VEGFB: variants seen among roughly 807,000 people sequenced by gnomAD.
The protein encoded by VEGFB is vascular endothelial growth factor B.
Under a neutral mutation model 22.5 loss-of-function variants are expected in VEGFB, and 24 were observed. That is an observed-to-expected ratio of 1.07 (90% CI 0.77 to 1.50). The LOEUF is 1.50. Ranked by LOEUF, VEGFB falls within the 40% of genes most tolerant of loss-of-function variation. The pLI is 0.00. For missense variants in VEGFB, 327 were observed against 287.8 expected (o/e 1.14, Z -0.99); for synonymous variants, 141 against 117.4 (o/e 1.20, Z -1.30).
Position 64,237,675 on chromosome 11 carries a change from G to T in VEGFB, c.*22+20G>T. 1.3e-6 allele frequency: 2 copies of T among 1,504,656 alleles called. No homozygotes were observed. The highest frequency in any genetic ancestry group is 2.4e-5 in the South Asian group (2 of 83,120). The allele number at this position is 1,504,656 out of a possible 1,614,324, so 93.2% of individuals were successfully genotyped here. ...CTGCAGGTGAGGCGTCTGTGGGGTG[G>T]TGTTTGTTTGGGAAGGCACCAAGGC... On this transcript the variant is annotated intron_variant, in intron 6 of 6. Coordinates refer to ENST00000309422, the MANE Select transcript of VEGFB (RefSeq NM_003377.5).
chr11:64,238,405 G>A lies in VEGFB; in HGVS notation c.*72G>A, dbSNP rs1420099872. The A allele has an allele frequency of 1.3e-6, 2 of 1,536,128 alleles. No individual in the cohort carries two copies. The highest frequency in any genetic ancestry group is 1.2e-5 in the South Asian group (1 of 84,060). On this transcript the variant is annotated 3_prime_UTR_variant, in exon 7 of 7. Transcript: ENST00000309422. ...CATGGCTTTTCAGACTCAGCAGGGT[G>A]ACTTGCCTCAGAGGCTATATCCCAG...
rs1257460861 is a variant in VEGFB, at chr11:64,234,814, G to T, written c.-20G>T. 4 of 1,155,362 alleles carry T rather than the reference G, an allele frequency of 3.5e-6. No homozygotes were observed. The highest frequency in any genetic ancestry group is 4.2e-5 in the South Asian group (1 of 23,670). 71.6% of individuals were successfully genotyped at this position (1,155,362 alleles called of 1,614,324 possible). On this transcript the variant is annotated 5_prime_UTR_variant, in exon 1 of 7. Transcript: ENST00000309422. This position sits in a 1 kb window ranked among gnomAD's most constrained non-coding sequence, Gnocchi z 5.3. ...CTAGGGCGATGCGGGCGCCCCCGGC[G>T]GGCGGCCCCGGCGGGCACCATGAGC...
chr11:64,236,338 G>A lies in VEGFB; in HGVS notation c.374+11G>A. The A allele has an allele frequency of 6.2e-7, 1 of 1,613,462 alleles. No individual in the cohort carries two copies. Among genetic ancestry groups the A allele is most frequent in the Non-Finnish European group, 8.5e-7 (1 of 1,179,924 alleles). On this transcript the variant is annotated intron_variant, in intron 4 of 6. Transcript: ENST00000309422. ...CCAGTGTGAATGCAGGTGCCAGCCA[G>A]GCCCAACTTCTGAGCTCGCAGAGGC...
At chr11:64,237,126 G>GAGACAGAGACAGAGACA in intron 4 of VEGFB, 61 bp from the exon 5 acceptor site, 1 of 717,060 alleles carries the variant, frequency 1.4e-6, no homozygotes, top group East Asian at 5.9e-5. Context: ...AGAGAGAGTA[G>GAGACAGAGACAGAGACA]GATGCTGGGA....
chr11:64,237,899 G>A, intron 6 of VEGFB: 1 of 514,926 alleles, frequency 1.9e-6, no homozygotes, highest in East Asian at 3.0e-5. Context: ...TGTGGTGAGG[G>A]GTACCTGGCC....
chr11:64,236,781 C>G (rs1030114554), intron 4 of VEGFB, among the ~76,000 whole-genome samples: 7 of 126,226 alleles, frequency 5.5e-5, no homozygotes, highest in African/African-American at 8.8e-5. Context: ...TCTGGGGCAA[C>G]AAAGTAGGAT....
rs984230666 is a variant in VEGFB, at chr11:64,235,000, C to T, written c.60+107C>T. The stretch of plus-strand genomic sequence containing the variant: ...CTCGGCCGAGGGGATCTGCGGGGTC[C>T]GGCCTTGGACGCGGGCGTCTCGGGG... On this transcript the variant is annotated intron_variant, in intron 1 of 6. Coordinates refer to ENST00000309422, the MANE Select transcript of VEGFB (RefSeq NM_003377.5). This position sits in a 1 kb window ranked among gnomAD's most constrained non-coding sequence, Gnocchi z 5.3. 3.1e-6 allele frequency: 3 copies of T among 955,828 alleles called. No individual in the cohort carries two copies. Among genetic ancestry groups the T allele is most frequent in the Non-Finnish European group, 4.0e-6 (3 of 741,202 alleles). 59.2% of individuals were successfully genotyped at this position (955,828 alleles called of 1,614,324 possible). A position where few individuals can be genotyped will look rare whatever the true frequency, so the allele number is the denominator to read the frequency against.
chr11:64,238,277 G>A, intron 6 of VEGFB, 79 bp from the exon 7 acceptor site: 1 of 1,517,074 alleles, frequency 6.6e-7, no homozygotes, highest in East Asian at 2.4e-5. Flanking sequence ...TGTGATCTTA[G>A]TGGGCCCGAG....
At position 64,235,442 on chromosome 11, in the gene VEGFB, C is replaced by G. The variant is rs1409108408; in HGVS notation, c.61-16C>G. ...CCTAAAGTGTACCTTGGGTACAGGT[C>G]TTTTCTCTCCCACAGGCCCCTGTCT... On this transcript the variant is annotated splice_polypyrimidine_tract_variant and intron_variant, in intron 1 of 6. Transcript: ENST00000309422. 6.2e-7 allele frequency: 1 copy of G among 1,613,710 alleles called. No individual in the cohort carries two copies. The highest frequency in any genetic ancestry group is 1.7e-4 in the Middle Eastern group (1 of 6,056).
Position 64,234,825 on chromosome 11 carries a change from G to A in VEGFB, c.-9G>A. On this transcript the variant is annotated 5_prime_UTR_variant, in exon 1 of 7. Coordinates refer to ENST00000309422, the MANE Select transcript of VEGFB (RefSeq NM_003377.5). The surrounding 1 kb of genome is among the most constrained non-coding windows in gnomAD (Gnocchi z 5.3). ...CGGGCGCCCCCGGCGGGCGGCCCCG[G>A]CGGGCACCATGAGCCCTCTGCTCCG... 1.7e-6 allele frequency: 2 copies of A among 1,186,980 alleles called. No homozygotes were observed. The highest frequency in any genetic ancestry group is 1.0e-6 in the Non-Finnish European group (1 of 959,876). 73.5% of individuals were successfully genotyped at this position (1,186,980 alleles called of 1,614,324 possible). A position where few individuals can be genotyped will look rare whatever the true frequency, so the allele number is the denominator to read the frequency against.
In VEGFB at chr11:64,239,081, T is replaced by G. The variant is rs1339410620; in HGVS notation, c.*748T>G. Among the ~76,000 whole-genome samples, 1 of 152,194 alleles carries G rather than the reference T, an allele frequency of 6.6e-6. No homozygotes were observed. Among genetic ancestry groups the G allele is most frequent in the Admixed American group, 6.5e-5 (1 of 15,272 alleles). On this transcript the variant is annotated 3_prime_UTR_variant, in exon 7 of 7. Coordinates refer to ENST00000309422, the MANE Select transcript of VEGFB (RefSeq NM_003377.5). ...GACAGCCTTCTGTGGCCAGAGAGCT[T>G]GGGGTAGGACCCAGATCTACTGAGT...
chr11:64,235,614 TA>T, intron 2 of VEGFB, 114 bp downstream of exon 2: 1 of 1,309,646 alleles, frequency 7.6e-7, no homozygotes, highest in Middle Eastern at 1.8e-4. Flanking sequence ...ACTATTATTC[TA>T]CCCATTTCAC....
chr11:64,235,018 T>C, intron 1 of VEGFB, 125 bp downstream of exon 1: 1 of 790,814 alleles, frequency 1.3e-6, no homozygotes, highest in Non-Finnish European at 1.7e-6. Context: ...GACGCGGGCG[T>C]CTCGGGGGCC....
rs1251265097 is a variant in VEGFB, at chr11:64,235,980, C to T, written c.271C>T (p.Pro91Ser). 6.2e-7 allele frequency: 1 copy of T among 1,604,344 alleles called. No homozygotes were observed. Among genetic ancestry groups the T allele is most frequent in the South Asian group, 1.1e-5 (1 of 90,156 alleles). ...CCPDDGLECV[P>S]TGQHQVRMQI... ...CCCTGACGATGGCCTGGAGTGTGTGCCCACTGGGCAGCACCAAGTCCGGAT... is the reference window on the plus strand; with the variant it reads ...CCCTGACGATGGCCTGGAGTGTGTGTCCACTGGGCAGCACCAAGTCCGGAT... The change falls in exon 3 of 7, where the codon CCC becomes TCC. Residue 91 changes from proline (P) to serine (S), a missense_variant. By Grantham distance (74) the Pro-to-Ser change is moderately conservative. Transcript: ENST00000309422.
intron 5 of VEGFB, 88 bp downstream of exon 5, chr11:64,237,310 C>T (rs1344473712): frequency 7.3e-6 from 11 of 1,499,528 alleles, no homozygotes; most frequent in South Asian, 1.1e-5. Context: ...TCCCACCCGT[C>T]CCCCACTTTC....
At chr11:64,237,126 G>GAGAGAGAGAGAGAGAAGAGAAGAGAGAGA in intron 4 of VEGFB, 61 bp from the exon 5 acceptor site, 1 of 711,064 alleles carries the variant, frequency 1.4e-6, no homozygotes, top group African/African-American at 2.5e-5. Flanking sequence ...AGAGAGAGTA[G>GAGAGAGAGAGAGAGAAGAGAAGAGAGAGA]GATGCTGGGA....
Position 64,235,841 on chromosome 11 carries a change from C to G in VEGFB, c.132C>G (p.Arg44=), listed in dbSNP as rs138244998. Residue 44 remains arginine, a synonymous_variant, in exon 3 of 7, where the codon CGC becomes CGG. Transcript: ENST00000309422. ...KVVSWIDVYT[R]ATCQPREVVV... ...TGTCATGGATAGATGTGTATACTCG[C>G]GCTACCTGCCAGCCCCGGGAGGTGG... is the stretch of plus-strand genomic sequence containing the variant. 9 of 1,613,878 alleles carry G rather than the reference C, an allele frequency of 5.6e-6. No homozygotes were observed. Among genetic ancestry groups the G allele is most frequent in the Admixed American group, 1.7e-5 (1 of 60,012 alleles).
chr11:64,235,935 C>G lies in VEGFB; in HGVS notation c.226C>G (p.Gln76Glu). The G allele has an allele frequency of 6.2e-7, 1 of 1,613,158 alleles. No individual in the cohort carries two copies. The highest frequency in any genetic ancestry group is 8.5e-7 in the Non-Finnish European group (1 of 1,179,878). ...KQLVPSCVTV[Q>E]RCGGCCPDDG... ...GCTGGTGCCCAGCTGCGTGACTGTGCAGCGCTGTGGTGGCTGCTGCCCTGA... is the reference window on the plus strand; with the variant it reads ...GCTGGTGCCCAGCTGCGTGACTGTGGAGCGCTGTGGTGGCTGCTGCCCTGA... The change falls in exon 3 of 7, where the codon CAG becomes GAG. Residue 76 changes from glutamine (Q) to glutamate (E), a missense_variant. Coordinates refer to ENST00000309422, the MANE Select transcript of VEGFB (RefSeq NM_003377.5).
rs764080247 is a variant in VEGFB at position 64,237,591 on chromosome 11, TGCCGAC to T, written c.587_592del (p.Asp196_Ala197del). 29 of 1,593,784 alleles carry T rather than the reference TGCCGAC, an allele frequency of 1.8e-5. No individual in the cohort carries two copies. In the South Asian group the frequency reaches 2.8e-4, roughly 15 times the overall value. ...TGACCCCCGGACCTGCCGCTGCCGC[TGCCGAC>T]GCCGCAGCTTCCTCCGTTGCCAAGG... On this transcript the variant is annotated inframe_deletion, in exon 6 of 7. Coordinates refer to ENST00000309422, the MANE Select transcript of VEGFB (RefSeq NM_003377.5).
Sources: allele counts gnomAD v4.1 joint callset (sites outside exome capture counted in the v4.1 genomes callset), GRCh38; gene constraint gnomAD v4.1.1; non-coding constraint Gnocchi (gnomAD v3.1); transcripts MANE v1.5; gene names NCBI Gene and HGNC (gene_info 2026-07-23, HGNC 2026-07-21).